IKBIP: variants seen among roughly 807,000 people sequenced by gnomAD.
IKBIP encodes the protein inhibitor of nuclear factor kappa-B kinase-interacting protein.
A neutral mutation model predicts 31.0 loss-of-function variants in IKBIP; 28 were observed. The ratio of observed to expected loss-of-function variants is 0.90; its 90% CI spans 0.67 to 1.24. The LOEUF (loss-of-function observed/expected upper bound fraction) is 1.24. Among genes scored for constraint, IKBIP ranks in the 50% most tolerant of loss-of-function variants. The pLI is 0.00. For synonymous variants in IKBIP, 164 were observed against 160.3 expected, an observed-to-expected ratio of 1.02 and a Z score of -0.17; for missense variants, 453 against 441.9, an observed-to-expected ratio of 1.03 and a Z score of -0.23.
chr12:98,624,530 C>A lies in IKBIP; in HGVS notation c.*1400G>T, dbSNP rs2097612504. 1.0e-6 allele frequency: 1 copy of A among 985,006 alleles called. No homozygotes were observed. Among genetic ancestry groups the A allele is most frequent in the African/African-American group, 1.7e-5 (1 of 57,236 alleles). 61.0% of individuals were successfully genotyped at this position (985,006 alleles called of 1,614,324 possible). A position where few individuals can be genotyped will look rare whatever the true frequency, so the allele number is the denominator to read the frequency against. Reference sequence around the variant, plus strand: ...CTTGACCACAACTACCTTTTTGTAACTGACTGCTTTCAAGTTCTTTGTGTT... The same window carrying A: ...CTTGACCACAACTACCTTTTTGTAAATGACTGCTTTCAAGTTCTTTGTGTT... On this transcript the variant is annotated 3_prime_UTR_variant, in exon 3 of 3. Transcript: ENST00000299157.
chr12:98,616,405 G>A (rs1275459235), intron 2 of IKBIP, among the ~76,000 whole-genome samples: 2 of 151,918 alleles, frequency 1.3e-5, no homozygotes, highest in African/African-American at 4.8e-5. Context: ...CAGATTTATG[G>A]TTCATGAGTA....
At position 98,625,442 on chromosome 12, in the gene IKBIP, T is replaced by G. The variant is rs1225069437; in HGVS notation, c.*488A>C. ...AACTTGGTTGTGTGGATTCTTAACC[T>G]GCAGTGAATTACCTAAGAAAGTGAA... On this transcript the variant is annotated 3_prime_UTR_variant, in exon 3 of 3. Transcript: ENST00000299157. 1 of 327,400 alleles carries G rather than the reference T, an allele frequency of 3.1e-6. No homozygotes were observed. The highest frequency in any genetic ancestry group is 2.2e-5 in the African/African-American group (1 of 44,654). The allele number at this position is 327,400 out of a possible 1,614,324, so 20.3% of individuals were successfully genotyped here.
chr12:98,641,171 A>G (rs1448483470), intron 1 of IKBIP, among the ~76,000 whole-genome samples: 1 of 152,182 alleles, frequency 6.6e-6, no homozygotes, highest in Non-Finnish European at 1.5e-5. Context: ...AGACAATGAT[A>G]TAGTGTGATT....
chr12:98,641,680 G>A (rs539306007), intron 1 of IKBIP, among the ~76,000 whole-genome samples: 1 of 152,264 alleles, frequency 6.6e-6, no homozygotes, highest in East Asian at 1.9e-4. Flanking sequence ...TAGAGAGACA[G>A]GGTCTTGCTC....
Position 98,644,740 on chromosome 12 carries a change from T to C in IKBIP, c.-39A>G, listed in dbSNP as rs182250616. Reference sequence around the variant, plus strand: ...AGGACGACAAGCCCAGGGCAGCTTCTTCACCAGGGGGAGCAGGACGTGGCC... The same window carrying C: ...AGGACGACAAGCCCAGGGCAGCTTCCTCACCAGGGGGAGCAGGACGTGGCC... On this transcript the variant is annotated 5_prime_UTR_variant, in exon 1 of 3. Coordinates refer to ENST00000299157, the MANE Select transcript of IKBIP (RefSeq NM_153687.4). 9.5e-5 allele frequency: 150 copies of C among 1,571,852 alleles called. 1 individual carries two copies. In the East Asian group the frequency reaches 1.8e-3, roughly 18 times the overall value.
intron 2 of IKBIP, among the ~76,000 whole-genome samples, chr12:98,632,846 C>T (rs1179447188): frequency 4.0e-5 from 6 of 151,782 alleles, no homozygotes; most frequent in Admixed American, 1.3e-4. Context: ...AATCTGGTCT[C>T]GAACTCCTGA....
intron 2 of IKBIP, among the ~76,000 whole-genome samples, chr12:98,616,421 T>C (rs2097606327): frequency 6.6e-6 from 1 of 152,218 alleles, no homozygotes; most frequent in Non-Finnish European, 1.5e-5. Flanking sequence ...GAGTATTTTC[T>C]CCCATTCTAT....
chr12:98,613,476 A>T, exon 3 of IKBIP: 1 of 603,618 alleles, frequency 1.7e-6, no homozygotes, highest in Non-Finnish European at 2.7e-6. Flanking sequence ...AAATAGGATT[A>T]AATATAAAAT....
rs776815411 is a variant in IKBIP, at chr12:98,644,523, C to T, written c.179G>A (p.Trp60Ter). The T allele has an allele frequency of 1.3e-6, 2 of 1,594,340 alleles. No individual in the cohort carries two copies. The highest frequency in any genetic ancestry group is 1.3e-5 in the African/African-American group (1 of 74,092). The change falls in exon 1 of 3, where the codon TGG (tryptophan) becomes TAG (stop). Residue 60 changes from tryptophan (W) to a stop codon, truncating the protein, a stop_gained and splice_region_variant. Transcript: ENST00000299157. LOFTEE classifies it high-confidence loss of function. Reference protein sequence around the residue: ...LSLGTCLGLAWFVFQQSEKFA... With the variant: ...LSLGTCLGLA Reference sequence around the variant, plus strand: ...CCCAGGCAGCCTCGCGTCCACTTACCAGGCCAGGCCCAGGCACGTCCCCAG... The same window carrying T: ...CCCAGGCAGCCTCGCGTCCACTTACTAGGCCAGGCCCAGGCACGTCCCCAG...
chr12:98,631,808 A>G (rs1592996125), intron 2 of IKBIP, among the ~76,000 whole-genome samples: 1 of 151,710 alleles, frequency 6.6e-6, no homozygotes, highest in East Asian at 2.0e-4. Context: ...AAAAAGAAAA[A>G]AAAAAAGGAG....
chr12:98,627,356 A>G (rs2097615525), intron 2 of IKBIP, among the ~76,000 whole-genome samples: 2 of 152,006 alleles, frequency 1.3e-5, no homozygotes, highest in Admixed American at 1.3e-4. Context: ...ACAAGAGAAA[A>G]GTAATGTTAA....
intron 1 of IKBIP, among the ~76,000 whole-genome samples, chr12:98,639,200 C>G (rs79683551): frequency 0.031 from 4,777 of 152,190 alleles, 167 homozygotes; most frequent in East Asian, 0.13. Context: ...ATCAACAAGA[C>G]CAGCTATCTT....
At chr12:98,628,259 C>T (rs2153297757) in intron 2 of IKBIP, among the ~76,000 whole-genome samples, 1 of 152,326 alleles carries the variant, frequency 6.6e-6, no homozygotes, top group African/African-American at 2.4e-5. Context: ...GAGACCCAAC[C>T]TAGACTTCAG....
At chr12:98,643,823 T>C (rs1257882302) in intron 1 of IKBIP, among the ~76,000 whole-genome samples, 1 of 150,542 alleles carries the variant, frequency 6.6e-6, no homozygotes, top group East Asian at 2.0e-4. Context: ...TTTTCTTTTT[T>C]TTTTTTTTTT....
intron 2 of IKBIP, among the ~76,000 whole-genome samples, chr12:98,632,810 A>G (rs1592997110): frequency 6.6e-6 from 1 of 151,862 alleles, no homozygotes; most frequent in Non-Finnish European, 1.5e-5. Flanking sequence ...TATTTTTAGT[A>G]GAGACAGGGT....
intron 1 of IKBIP, among the ~76,000 whole-genome samples, chr12:98,636,150 C>T (rs1307526689): frequency 6.6e-6 from 1 of 152,182 alleles, no homozygotes; most frequent in East Asian, 1.9e-4. Context: ...TGGAGCAGAA[C>T]CATAAGTACC....
intron 1 of IKBIP, among the ~76,000 whole-genome samples, chr12:98,636,765 G>A (rs1446582207): frequency 6.6e-6 from 1 of 151,528 alleles, no homozygotes; most frequent in Non-Finnish European, 1.5e-5. Context: ...TTTTTTCATT[G>A]GCTGTTTCAT....
chr12:98,635,796 A>C (rs2097625264), intron 1 of IKBIP, among the ~76,000 whole-genome samples: 1 of 152,246 alleles, frequency 6.6e-6, no homozygotes, highest in African/African-American at 2.4e-5. Context: ...AGGTGTGAAA[A>C]GAGGTATGAA....
Position 98,615,512 on chromosome 12 carries a change from G to A in IKBIP, c.298-1172C>T, listed in dbSNP as rs1049378169. ...CCAAAGTGCTAAGATTATAAGGCAT[G>A]AGCCATCGCGCCCGGCCTCTTAGCA... On this transcript the variant is annotated intron_variant, in intron 2 of 2. Coordinates refer to the IKBIP transcript ENST00000342502. Among the ~76,000 whole-genome samples the A allele has an allele frequency of 1.5e-4, 23 of 152,134 alleles. 1 individual carries two copies. The highest frequency in any genetic ancestry group is 1.4e-3 in the Admixed American group (22 of 15,262).
Sources: allele counts gnomAD v4.1 joint callset (sites outside exome capture counted in the v4.1 genomes callset), GRCh38; gene constraint gnomAD v4.1.1; transcripts MANE v1.5; gene names NCBI Gene and HGNC (gene_info 2026-07-23, HGNC 2026-07-21).